Variants in GPR39 observed in about 807,000 individuals in gnomAD.
The protein encoded by GPR39 is zinc sensing receptor.
Under a neutral mutation model 18.4 loss-of-function variants are expected in GPR39, and 23 were observed. The ratio of observed to expected loss-of-function variants is 1.25; its 90% CI spans 0.90 to 1.77. The LOEUF (loss-of-function observed/expected upper bound fraction) is 1.77, where lower values mean the gene tolerates loss of function less well. GPR39 is among the 40% of genes most tolerant of loss of function. GPR39 has a pLI of 0.00. For synonymous variants in GPR39, 280 were observed against 257.9 expected (o/e 1.09, Z -0.82); for missense variants, 647 against 602.4 (o/e 1.07, Z -0.78).
chr2:132,492,958 A>G (rs1034554220), intron 1 of GPR39, among the ~76,000 whole-genome samples: 2 of 143,436 alleles, frequency 1.4e-5, no homozygotes, highest in African/African-American at 5.1e-5. Context: ...TATACACCAT[A>G]TATATACACC....
intron 1 of GPR39, among the ~76,000 whole-genome samples, chr2:132,419,932 A>G (rs1395644044): frequency 1.4e-4 from 22 of 152,162 alleles, no homozygotes; most frequent in Admixed American, 1.4e-3. Flanking sequence ...CTCTGAGTAG[A>G]TGTCTGTTCT....
chr2:132,631,394 T>C (rs1407411096), intron 1 of GPR39, among the ~76,000 whole-genome samples: 1 of 152,224 alleles, frequency 6.6e-6, no homozygotes, highest in Non-Finnish European at 1.5e-5. Flanking sequence ...TATCATGTTG[T>C]GCAACAGCAA....
chr2:132,449,171 C>T (rs575745975), intron 1 of GPR39, among the ~76,000 whole-genome samples: 13 of 152,320 alleles, frequency 8.5e-5, no homozygotes, highest in Admixed American at 5.2e-4. Context: ...CTGCAAATCG[C>T]CTTCCTCCCC....
chr2:132,517,381 T>A (rs1430194684), intron 1 of GPR39, among the ~76,000 whole-genome samples: 2 of 152,052 alleles, frequency 1.3e-5, no homozygotes, highest in African/African-American at 4.8e-5. Flanking sequence ...CCTGGAAATA[T>A]ATTACTCTTG....
At chr2:132,622,805 T>C (rs140467319) in intron 1 of GPR39, among the ~76,000 whole-genome samples, 5 of 152,196 alleles carry the variant, frequency 3.3e-5, no homozygotes, top group Admixed American at 2.0e-4. Flanking sequence ...TGAGCCACAT[T>C]GTAGTAGATC....
chr2:132,572,296 A>G (rs1680454333), intron 1 of GPR39, among the ~76,000 whole-genome samples: 1 of 152,096 alleles, frequency 6.6e-6, no homozygotes, highest in Non-Finnish European at 1.5e-5. Flanking sequence ...ACCTATTTTC[A>G]GCACCTCTTT....
chr2:132,609,585 C>T (rs898118123), intron 1 of GPR39, among the ~76,000 whole-genome samples: 1 of 152,184 alleles, frequency 6.6e-6, no homozygotes, highest in Non-Finnish European at 1.5e-5. Flanking sequence ...CTCTCTCCAG[C>T]ACAAGGAGCT....
intron 1 of GPR39, among the ~76,000 whole-genome samples, chr2:132,446,314 G>A (rs1680537656): frequency 6.6e-6 from 1 of 152,306 alleles, no homozygotes; most frequent in Admixed American, 6.5e-5. Flanking sequence ...TGAAGAAATG[G>A]TCTCCACCTT....
At chr2:132,572,237 C>A (rs1680453457) in intron 1 of GPR39, among the ~76,000 whole-genome samples, 1 of 152,180 alleles carries the variant, frequency 6.6e-6, no homozygotes, top group African/African-American at 2.4e-5. Context: ...CCCTCTGCCC[C>A]TTCTTCCGTC....
Position 132,645,900 on chromosome 2 carries a change from A to G in GPR39, c.*294A>G. ...GAATGCTTTACCGAGCTCTTTCATT[A>G]TTTGCACAGGAACAAAAGAGAACAC... On this transcript the variant is annotated 3_prime_UTR_variant, in exon 2 of 2. Transcript: ENST00000329321. 1 of 682,356 alleles carries G rather than the reference A, an allele frequency of 1.5e-6. No homozygotes were observed. Among genetic ancestry groups the G allele is most frequent in the South Asian group, 2.2e-5 (1 of 44,938 alleles). The allele number at this position is 682,356 out of a possible 1,614,324, so 42.3% of individuals were successfully genotyped here.
At chr2:132,549,439 A>G (rs555211160) in intron 1 of GPR39, among the ~76,000 whole-genome samples, 1 of 152,312 alleles carries the variant, frequency 6.6e-6, no homozygotes, top group Non-Finnish European at 1.5e-5. Flanking sequence ...AAAAGGAACA[A>G]AACGAAATCC....
intron 1 of GPR39, among the ~76,000 whole-genome samples, chr2:132,498,202 C>T (rs1681684768): frequency 6.6e-6 from 1 of 152,124 alleles, no homozygotes; most frequent in Non-Finnish European, 1.5e-5. Context: ...AACCAGTGTA[C>T]ACTGTACCCA....
At chr2:132,447,966 G>A (rs758788584) in intron 1 of GPR39, among the ~76,000 whole-genome samples, 4 of 152,142 alleles carry the variant, frequency 2.6e-5, no homozygotes, top group African/African-American at 7.2e-5. Context: ...AAGCATGGTT[G>A]GAATTTGTTG....
intron 1 of GPR39, among the ~76,000 whole-genome samples, chr2:132,537,192 TG>T (rs1389946071): frequency 6.6e-6 from 1 of 152,248 alleles, no homozygotes; most frequent in Non-Finnish European, 1.5e-5. Flanking sequence ...GGTATGTTTT[TG>T]CAGTGGCTGG....
intron 1 of GPR39, among the ~76,000 whole-genome samples, chr2:132,446,085 A>G (rs1680531901): frequency 6.6e-6 from 1 of 152,210 alleles, no homozygotes; most frequent in Admixed American, 6.5e-5. Flanking sequence ...CAGAGAAAGA[A>G]CTAGTTAGTA....
At chr2:132,536,823 G>A (rs1679765534) in intron 1 of GPR39, among the ~76,000 whole-genome samples, 1 of 152,158 alleles carries the variant, frequency 6.6e-6, no homozygotes, top group Non-Finnish European at 1.5e-5. Flanking sequence ...GTTATGTAAT[G>A]CACTTCTTGG....
chr2:132,527,062 G>A (rs901306659), intron 1 of GPR39, among the ~76,000 whole-genome samples: 6 of 152,028 alleles, frequency 3.9e-5, no homozygotes, highest in African/African-American at 1.4e-4. Context: ...TTTAAGCCCC[G>A]CATGGATTAG....
intron 1 of GPR39, among the ~76,000 whole-genome samples, chr2:132,470,352 C>A (rs1681006831): frequency 6.6e-6 from 1 of 152,042 alleles, no homozygotes; most frequent in Non-Finnish European, 1.5e-5. Context: ...GGTGACATTG[C>A]AACAAGTCTT....
intron 1 of GPR39, among the ~76,000 whole-genome samples, chr2:132,500,612 T>A (rs1225992533): frequency 3.9e-5 from 6 of 152,176 alleles, no homozygotes; most frequent in Non-Finnish European, 8.8e-5. Flanking sequence ...TAGGGAGGAT[T>A]CCCTTTTTCC....
Sources: gnomAD v4.1 joint callset for allele counts (sites outside exome capture counted in the v4.1 genomes callset) on GRCh38, gnomAD v4.1.1 for gene constraint, MANE v1.5 for transcripts, NCBI Gene and HGNC (gene_info 2026-07-23, HGNC 2026-07-21) for gene names.